N4BP1: variants seen among roughly 807,000 people sequenced by gnomAD.
N4BP1 encodes the protein NEDD4-binding protein 1.
A neutral mutation model predicts 70.9 loss-of-function variants in N4BP1; 21 were observed. The ratio of observed to expected loss-of-function variants is 0.30; its 90% CI spans 0.21 to 0.43. The LOEUF (loss-of-function observed/expected upper bound fraction) is 0.43, where lower values mean the gene tolerates loss of function less well. N4BP1 is among the 20% of genes least tolerant of loss of function. The probability of loss-of-function intolerance (pLI) is 1.00; values close to 1 mark genes in which losing one functional copy is unlikely to be tolerated. For missense variants in N4BP1, 936 were observed against 1,069.4 expected, an observed-to-expected ratio of 0.88 and a Z score of 1.74; for synonymous variants, 387 against 394.6, an observed-to-expected ratio of 0.98 and a Z score of 0.23.
At chr16:48,606,440 G>A (rs1964583764) in intron 1 of N4BP1, among the ~76,000 whole-genome samples, 1 of 152,172 alleles carries the variant, frequency 6.6e-6, no homozygotes, top group Non-Finnish European at 1.5e-5. Context: ...ATCTTTCCCA[G>A]GAGCACCTGG....
intron 1 of N4BP1, among the ~76,000 whole-genome samples, chr16:48,584,566 G>A (rs529382264): frequency 1.3e-5 from 2 of 151,834 alleles, no homozygotes; most frequent in South Asian, 4.2e-4. Flanking sequence ...CCAACATAAT[G>A]AAACTAAACA....
At chr16:48,606,616 A>G (rs1434854410) in intron 1 of N4BP1, among the ~76,000 whole-genome samples, 3 of 152,230 alleles carry the variant, frequency 2.0e-5, no homozygotes, top group African/African-American at 7.2e-5. Context: ...GTACAGAGTC[A>G]GTGCCTGTTT....
intron 1 of N4BP1, among the ~76,000 whole-genome samples, chr16:48,579,744 C>T (rs1964150185): frequency 6.6e-6 from 1 of 150,800 alleles, no homozygotes; most frequent in Admixed American, 6.6e-5. Flanking sequence ...TAGGGTCACA[C>T]AGACTGAAGG....
intron 1 of N4BP1, among the ~76,000 whole-genome samples, chr16:48,601,658 C>T (rs759763998): frequency 3.2e-4 from 49 of 152,016 alleles, no homozygotes; most frequent in Non-Finnish European, 6.2e-4. Flanking sequence ...AGCACTAAGA[C>T]TGAACAAAAC....
intron 3 of N4BP1, among the ~76,000 whole-genome samples, chr16:48,552,187 C>T (rs1038897724): frequency 7.9e-5 from 12 of 152,188 alleles, no homozygotes; most frequent in Admixed American, 5.2e-4. Flanking sequence ...CCTCCTCCTA[C>T]TGGCCTCCTA....
At chr16:48,548,254 C>A in intron 4 of N4BP1, 140 bp from the exon 5 acceptor site, 3 of 600,434 alleles carry the variant, frequency 5.0e-6, no homozygotes, top group Non-Finnish European at 9.0e-6. Flanking sequence ...AAAAGTTTAG[C>A]CCCTATCAAC....
At chr16:48,559,167 A>G (rs768700263) in intron 2 of N4BP1, among the ~76,000 whole-genome samples, 7 of 151,216 alleles carry the variant, frequency 4.6e-5, no homozygotes, top group Non-Finnish European at 8.8e-5. Context: ...GGAATTCATT[A>G]TCTTATCTTA....
Position 48,561,216 on chromosome 16 carries a change from C to A in N4BP1, c.1427G>T (p.Gly476Val). The A allele has an allele frequency of 6.2e-7, 1 of 1,613,972 alleles. No homozygotes were observed. Among genetic ancestry groups the A allele is most frequent in the Non-Finnish European group, 8.5e-7 (1 of 1,179,870 alleles). Residue 476 changes from glycine to valine, a missense_variant, in exon 2 of 7, where the codon GGT (glycine) becomes GTT (valine). Transcript: ENST00000262384. ...VPIEQKHEVWGSNQNYICNTD... is the reference protein window; with the variant it reads ...VPIEQKHEVWVSNQNYICNTD... ...GTTACAAATGTAGTTCTGGTTTGAA[C>A]CCCAGACTTCATGTTTCTGTTCTAT...
At chr16:48,551,889 G>A (rs757416313) in intron 3 of N4BP1, among the ~76,000 whole-genome samples, 13 of 151,974 alleles carry the variant, frequency 8.6e-5, no homozygotes, top group Non-Finnish European at 1.9e-4. Flanking sequence ...GTGGTGGCGC[G>A]TGCCTGTAAT....
intron 1 of N4BP1, among the ~76,000 whole-genome samples, chr16:48,607,613 GAA>G (rs1012878317): frequency 7.9e-5 from 12 of 152,172 alleles, no homozygotes; most frequent in African/African-American, 2.4e-4. Flanking sequence ...ACACAGGAAT[GAA>G]AGTCTTAACC....
chr16:48,562,330 C>A lies in N4BP1; in HGVS notation c.313G>T (p.Asp105Tyr), dbSNP rs1385271601. The A allele has an allele frequency of 6.2e-7, 1 of 1,613,868 alleles. No individual in the cohort carries two copies. The highest frequency in any genetic ancestry group is 8.5e-7 in the Non-Finnish European group (1 of 1,179,852). Residue 105 changes from aspartate to tyrosine, a missense_variant, in exon 2 of 7, where the codon GAT becomes TAT. Physicochemically the swap from Asp to Tyr is radical, Grantham distance 160. Transcript: ENST00000262384. ...AGAATGCAGAGGTCAGCACAAGTATCCTGAATCAAGCTTTTCAGAAACAGG... is the reference window on the plus strand; with the variant it reads ...AGAATGCAGAGGTCAGCACAAGTATACTGAATCAAGCTTTTCAGAAACAGG... The part of the protein sequence containing the change: ...ESLFLKSLIQ[D>Y]TCADLCILDI...
At chr16:48,562,521 A>G (rs1222781864) in intron 1 of N4BP1, 77 bp from the exon 2 acceptor site, 8 of 1,178,680 alleles carry the variant, frequency 6.8e-6, no homozygotes, top group African/African-American at 1.6e-5. Context: ...ATGTAACTAC[A>G]AATGTCAGGC....
intron 1 of N4BP1, among the ~76,000 whole-genome samples, chr16:48,603,431 G>C (rs1964532527): frequency 6.6e-6 from 1 of 152,096 alleles, no homozygotes; most frequent in Non-Finnish European, 1.5e-5. Flanking sequence ...GCTGTGGTCA[G>C]TGAACTCCAC....
At chr16:48,600,068 A>C in intron 1 of N4BP1, 1 of 314,452 alleles carries the variant, frequency 3.2e-6, no homozygotes, top group Non-Finnish European at 5.9e-6. Flanking sequence ...TAATTTAAAA[A>C]ATACCAGGGT....
intron 3 of N4BP1, among the ~76,000 whole-genome samples, chr16:48,552,740 A>AAAAAAAAAAAC (rs1963694241): frequency 2.5e-5 from 3 of 121,152 alleles, no homozygotes; most frequent in Admixed American, 8.5e-5. Context: ...AAAAAAAAAG[A>AAAAAAAAAAAC]CTCCTTCAGG....
intron 1 of N4BP1, among the ~76,000 whole-genome samples, chr16:48,579,098 G>C (rs1430551873): frequency 6.6e-6 from 1 of 152,140 alleles, no homozygotes; most frequent in Non-Finnish European, 1.5e-5. Flanking sequence ...GGCCAGAAAA[G>C]CTACTAAATA....
chr16:48,604,169 T>C (rs574642924), intron 1 of N4BP1, among the ~76,000 whole-genome samples: 17 of 152,320 alleles, frequency 1.1e-4, no homozygotes, highest in Non-Finnish European at 8.8e-5. Flanking sequence ...TCCCACTATT[T>C]TGGAGCTCTT....
chr16:48,596,631 T>C (rs1949265260), intron 1 of N4BP1, among the ~76,000 whole-genome samples: 1 of 152,216 alleles, frequency 6.6e-6, no homozygotes, highest in African/African-American at 2.4e-5. Context: ...ACTGACTCCA[T>C]CTTGCTTCTA....
chr16:48,568,684 C>A (rs148571926), intron 1 of N4BP1, among the ~76,000 whole-genome samples: 1 of 152,278 alleles, frequency 6.6e-6, no homozygotes, highest in East Asian at 1.9e-4. Context: ...AATGGGTTAA[C>A]ATTTCTTGTC....
Sources: gnomAD v4.1 joint callset for allele counts (sites outside exome capture counted in the v4.1 genomes callset) on GRCh38, gnomAD v4.1.1 for gene constraint, MANE v1.5 for transcripts, NCBI Gene and HGNC (gene_info 2026-07-23, HGNC 2026-07-21) for gene names.